Variants in CNDP1 observed in about 807,000 individuals in gnomAD.
CNDP1 encodes the protein beta-Ala-His dipeptidase.
CNDP1 carries 44 observed loss-of-function variants against 58.1 expected under a neutral mutation model. That is an observed-to-expected ratio of 0.76 (90% CI 0.60 to 0.97). The LOEUF (loss-of-function observed/expected upper bound fraction) is 0.97, where lower values mean the gene tolerates loss of function less well. Ranked by LOEUF, CNDP1 falls within the 50% of genes least tolerant of loss-of-function variation. CNDP1 has a pLI of 0.00. For synonymous variants in CNDP1, 254 were observed against 252.6 expected, an observed-to-expected ratio of 1.01 and a Z score of -0.05; for missense variants, 616 against 655.1, an observed-to-expected ratio of 0.94 and a Z score of 0.65.
chr18:74,576,370 G>A (rs7505555), intron 7 of CNDP1: 25,127 of 152,058 alleles, frequency 0.17, 2,232 homozygotes, highest in African/African-American at 0.21. Context: ...TCGCCACGTT[G>A]CCCAGGCTGG....
At chr18:74,580,798 A>G (rs781222388) in intron 10 of CNDP1, among the ~76,000 whole-genome samples, 1 of 152,058 alleles carries the variant, frequency 6.6e-6, no homozygotes, top group Non-Finnish European at 1.5e-5. Context: ...TGAGACCCCC[A>G]TCTCTATAAA....
At chr18:74,572,146 C>A (rs1334370096) in intron 7 of CNDP1, among the ~76,000 whole-genome samples, 1 of 152,016 alleles carries the variant, frequency 6.6e-6, no homozygotes, top group African/African-American at 2.4e-5. Flanking sequence ...GCGACGCCGA[C>A]GAGTTCCCCG....
rs559534833 is a variant in CNDP1 at position 74,572,539 on chromosome 18, G to A, written c.841+1269G>A. On this transcript the variant is annotated intron_variant, in intron 7 of 11. Coordinates refer to ENST00000358821, the MANE Select transcript of CNDP1 (RefSeq NM_032649.6). ...ATGGTCACTCACGCCTGCAATCCCAGCACTTTGGGAGGCCAAGGTGGGTGG... is the reference window on the plus strand; with the variant it reads ...ATGGTCACTCACGCCTGCAATCCCAACACTTTGGGAGGCCAAGGTGGGTGG... Among the ~76,000 whole-genome samples, 7 of 152,174 alleles carry A rather than the reference G, an allele frequency of 4.6e-5. No individual in the cohort carries two copies. The East Asian group carries it at 1.4e-3, about 29-fold the overall frequency.
intron 1 of CNDP1, among the ~76,000 whole-genome samples, chr18:74,551,571 A>G (rs1417346290): frequency 1.3e-5 from 2 of 152,056 alleles, no homozygotes; most frequent in African/African-American, 2.4e-5. Context: ...GAAATTCATT[A>G]AGGGAGGGAA....
chr18:74,584,548 G>T lies in CNDP1; in HGVS notation c.1510G>T (p.Ala504Ser), dbSNP rs1568302460. ...ATTTGCTGCCTTTTTCTTAGAGATG[G>T]CCCAGCTCCATTAATCACAAGAACC... is the stretch of plus-strand genomic sequence containing the variant. The part of the protein sequence containing the change: ...KLFAAFFLEM[A>S]QLH The change falls in exon 12 of 12, where the codon GCC becomes TCC. Residue 504 changes from alanine to serine, a missense_variant. Ala to Ser is a moderately conservative substitution (Grantham distance 99). Transcript: ENST00000358821. The T allele has an allele frequency of 6.2e-7, 1 of 1,613,390 alleles. No homozygotes were observed. The highest frequency in any genetic ancestry group is 8.5e-7 in the Non-Finnish European group (1 of 1,179,446).
At chr18:74,561,967 C>T in intron 4 of CNDP1, 80 bp from the exon 5 acceptor site, 1 of 1,127,522 alleles carries the variant, frequency 8.9e-7, no homozygotes, top group Non-Finnish European at 1.3e-6. Context: ...AACATCAGTA[C>T]CCATGAAACG....
intron 11 of CNDP1, chr18:74,583,980 A>C (rs1396970963): frequency 4.6e-6 from 2 of 436,564 alleles, no homozygotes; most frequent in Non-Finnish European, 8.3e-6. Context: ...TCTTTTTATA[A>C]GAGCACCAGA....
At chr18:74,573,153 A>G (rs12457983) in intron 7 of CNDP1, among the ~76,000 whole-genome samples, 57,413 of 151,526 alleles carry the variant, frequency 0.38, 11,365 homozygotes, top group East Asian at 0.51. Context: ...TCTATTATCT[A>G]TCCATCTATC....
At chr18:74,556,231 G>A in intron 1 of CNDP1, 107 bp from the exon 2 acceptor site, 5 of 1,229,450 alleles carry the variant, frequency 4.1e-6, no homozygotes, top group Non-Finnish European at 4.6e-6. Flanking sequence ...CCGACTGACT[G>A]GAGGCAGCTG....
At chr18:74,568,682 T>C (rs1317682089) in intron 6 of CNDP1, among the ~76,000 whole-genome samples, 1 of 152,156 alleles carries the variant, frequency 6.6e-6, no homozygotes, top group African/African-American at 2.4e-5. Context: ...GCTTTTTCCC[T>C]CTTAGCGTCC....
In CNDP1 at chr18:74,580,155, T is replaced by C. The variant is rs1228814181; in HGVS notation, c.1193T>C (p.Phe398Ser). 1 of 1,613,830 alleles carries C rather than the reference T, an allele frequency of 6.2e-7. No individual in the cohort carries two copies. Among genetic ancestry groups the C allele is most frequent in the African/African-American group, 1.3e-5 (1 of 75,064 alleles). The change falls in exon 10 of 12, where the codon TTC becomes TCC. Residue 398 changes from phenylalanine to serine, a missense_variant. Phe to Ser is a radical substitution (Grantham distance 155). Coordinates refer to ENST00000358821, the MANE Select transcript of CNDP1 (RefSeq NM_032649.6). ...GTGACACGACATCTTGAAGATGTGT[T>C]CTCCAAAAGAAATAGTTCCAACAAG... ...KQVTRHLEDV[F>S]SKRNSSNKMV...
intron 3 of CNDP1, among the ~76,000 whole-genome samples, chr18:74,560,301 ACCGTGCCCGGC>A (rs1981156004): frequency 6.6e-6 from 1 of 152,194 alleles, no homozygotes; most frequent in Non-Finnish European, 1.5e-5. Flanking sequence ...GGCATGAGCC[ACCGTGCCCGGC>A]CCGTCTGCAT....
chr18:74,540,107 C>T (rs899083274), intron 1 of CNDP1, among the ~76,000 whole-genome samples: 15 of 113,630 alleles, frequency 1.3e-4, no homozygotes, highest in South Asian at 5.6e-4. Context: ...ACTGGTCTTT[C>T]GAATCAGAAT....
chr18:74,570,662 C>G (rs1981455903), intron 6 of CNDP1, among the ~76,000 whole-genome samples: 1 of 152,160 alleles, frequency 6.6e-6, no homozygotes, highest in Non-Finnish European at 1.5e-5. Context: ...TACATAGACA[C>G]TATCCTGTGA....
chr18:74,583,833 A>G, intron 11 of CNDP1, 125 bp downstream of exon 11: 1 of 922,674 alleles, frequency 1.1e-6, no homozygotes, highest in Non-Finnish European at 1.7e-6. Context: ...TGGGAGCTTA[A>G]AGAACAGACA....
At chr18:74,577,328 C>G (rs1244463250) in intron 8 of CNDP1, 1 of 216,876 alleles carries the variant, frequency 4.6e-6, no homozygotes, top group Non-Finnish European at 9.0e-6. Flanking sequence ...CAGCCTTCAG[C>G]CAGTGAGCTG....
intron 6 of CNDP1, 71 bp downstream of exon 6, chr18:74,567,504 G>A: frequency 7.6e-7 from 1 of 1,316,890 alleles, no homozygotes. Context: ...TCCATTCTGG[G>A]ATCTTGGAGA....
intron 6 of CNDP1, among the ~76,000 whole-genome samples, chr18:74,568,578 T>G (rs1981389638): frequency 6.6e-6 from 1 of 151,758 alleles, no homozygotes; most frequent in Non-Finnish European, 1.5e-5. Context: ...ACGAAGGCAC[T>G]GAGGAGGTGG....
At chr18:74,544,314 G>C (rs2144641613) in intron 1 of CNDP1, among the ~76,000 whole-genome samples, 1 of 152,308 alleles carries the variant, frequency 6.6e-6, no homozygotes. Flanking sequence ...ACAGTACATA[G>C]GCTCTTGGGG....
Sources: gnomAD v4.1 joint callset for allele counts (sites outside exome capture counted in the v4.1 genomes callset) on GRCh38, gnomAD v4.1.1 for gene constraint, MANE v1.5 for transcripts, NCBI Gene and HGNC (gene_info 2026-07-23, HGNC 2026-07-21) for gene names.